The following VPS13C variants were observed in gnomAD, a reference collection of about 807,000 sequenced individuals.
VPS13C encodes intermembrane lipid transfer protein VPS13C.
In VPS13C, 358 loss-of-function variants were observed where a neutral mutation model predicts 456.8. The observed-to-expected ratio is 0.78, with a 90% CI of 0.72 to 0.86. VPS13C has a LOEUF of 0.86. Ranked by LOEUF, VPS13C falls within the 40% of genes least tolerant of loss-of-function variation. The pLI is 0.00. For synonymous variants in VPS13C, 1,578 were observed against 1,486.7 expected (o/e 1.06, Z -1.41); for missense variants, 4,818 against 4,385.4 (o/e 1.10, Z -2.79).
intron 16 of VPS13C, 88 bp from the exon 17 acceptor site, chr15:61,991,890 T>C: frequency 1.1e-6 from 1 of 921,764 alleles, no homozygotes. Context: ...CAATGGTTCT[T>C]TTTTTTTTTT....
intron 6 of VPS13C, among the ~76,000 whole-genome samples, chr15:62,027,590 T>C (rs1320066390): frequency 6.6e-6 from 1 of 152,122 alleles, no homozygotes; most frequent in African/African-American, 2.4e-5. Context: ...ATGATGCTTA[T>C]TGTTTACAAA....
At chr15:62,043,644 G>A (rs1423539310) in intron 2 of VPS13C, among the ~76,000 whole-genome samples, 2 of 151,958 alleles carry the variant, frequency 1.3e-5, no homozygotes, top group Non-Finnish European at 2.9e-5. Flanking sequence ...TTGGAAGCCG[G>A]AAAAAAATTA....
Position 61,922,527 on chromosome 15 carries a change from G to A in VPS13C, c.6845C>T (p.Ser2282Phe), listed in dbSNP as rs138540886. 1.7e-4 allele frequency: 282 copies of A among 1,614,040 alleles called. No individual in the cohort carries two copies. Among genetic ancestry groups the A allele is most frequent in the Non-Finnish European group, 2.2e-4 (265 of 1,179,964 alleles). The part of the protein sequence containing the change: ...IEENCGVVVE[S>F]IQVTLECGLG... ...GCCACATTCTAAGGTAACTTGAATG[G>A]ATTCTACAACAACACCACAATTTTC... Residue 2282 changes from serine (S) to phenylalanine (F), a missense_variant, in exon 54 of 85, where the codon TCC becomes TTC. This residue lies in a region of VPS13C where 4,552 missense variants were observed against 4,130.6 expected (regional missense o/e 1.10). Coordinates refer to ENST00000644861, the MANE Select transcript of VPS13C (RefSeq NM_020821.3).
At chr15:62,020,970 A>T (rs1452111187) in intron 8 of VPS13C, among the ~76,000 whole-genome samples, 1 of 151,990 alleles carries the variant, frequency 6.6e-6, no homozygotes, top group East Asian at 1.9e-4. Flanking sequence ...AAAGGAAAAC[A>T]TGTTTGTTTG....
intron 27 of VPS13C, 146 bp from the exon 28 acceptor site, chr15:61,969,598 T>C: frequency 2.4e-6 from 1 of 422,188 alleles, no homozygotes. Context: ...TTAATATAAT[T>C]GGAAATTACA....
intron 45 of VPS13C, among the ~76,000 whole-genome samples, chr15:61,943,141 A>G (rs1303940655): frequency 6.6e-6 from 1 of 152,232 alleles, no homozygotes; most frequent in Non-Finnish European, 1.5e-5. Context: ...ATGGAAAAAC[A>G]TTCCATGCTC....
At chr15:61,904,219 A>G (rs1186426537) in intron 66 of VPS13C, among the ~76,000 whole-genome samples, 3 of 152,048 alleles carry the variant, frequency 2.0e-5, no homozygotes, top group Non-Finnish European at 4.4e-5. Context: ...TTATTTGCAA[A>G]CTATCTGTCT....
At chr15:61,961,977 G>A in intron 34 of VPS13C, 84 bp from the exon 35 acceptor site, 1 of 1,433,626 alleles carries the variant, frequency 7.0e-7, no homozygotes, top group South Asian at 1.5e-5. Context: ...CATACATGTG[G>A]TAACTTTTTT....
chr15:62,046,470 T>C (rs142926355), intron 1 of VPS13C, among the ~76,000 whole-genome samples: 1 of 152,176 alleles, frequency 6.6e-6, no homozygotes, highest in South Asian at 2.1e-4. Context: ...TACACAAAAT[T>C]ACAATTGGGA....
chr15:62,059,021 A>C (rs887234668), intron 1 of VPS13C, among the ~76,000 whole-genome samples: 2 of 152,218 alleles, frequency 1.3e-5, no homozygotes, highest in Non-Finnish European at 2.9e-5. Flanking sequence ...ATACGTAATT[A>C]TAAATTTTAG....
chr15:62,018,911 T>C (rs2047357185), intron 9 of VPS13C, among the ~76,000 whole-genome samples: 2 of 152,206 alleles, frequency 1.3e-5, no homozygotes, highest in Non-Finnish European at 1.5e-5. Flanking sequence ...TGAATCCGTC[T>C]GGTCCTGGAC....
intron 38 of VPS13C, among the ~76,000 whole-genome samples, chr15:61,953,237 T>C (rs1463371152): frequency 6.6e-6 from 1 of 151,892 alleles, no homozygotes; most frequent in Admixed American, 6.6e-5. Context: ...ATTTATTTTA[T>C]TTTATTTTAT....
chr15:62,013,122 A>T lies in VPS13C; in HGVS notation c.745-3T>A. On this transcript the variant is annotated splice_polypyrimidine_tract_variant and splice_region_variant and intron_variant, in intron 10 of 84. Transcript: ENST00000644861. ...CTAAGACTATCAAGTCGTATAAGCT[A>T]TAAGAGAAAAATGAAAGAGATCAGG... is the stretch of plus-strand genomic sequence containing the variant. 6.3e-7 allele frequency: 1 copy of T among 1,595,308 alleles called. No individual in the cohort carries two copies. The highest frequency in any genetic ancestry group is 1.1e-5 in the South Asian group (1 of 87,018).
At chr15:61,854,594 C>A (rs1321850478) in intron 84 of VPS13C, 36 bp from the exon 85 acceptor site, 4 of 1,595,858 alleles carry the variant, frequency 2.5e-6, no homozygotes, top group Non-Finnish European at 2.6e-6. Context: ...ATTTTAAAGA[C>A]AAGTATAGGC....
At chr15:61,925,652 CCTG>C in intron 52 of VPS13C, 104 bp from the exon 53 acceptor site, 1 of 776,302 alleles carries the variant, frequency 1.3e-6, no homozygotes, top group Non-Finnish European at 1.8e-6. Context: ...TTAACTACAG[CCTG>C]CTATTATACT....
chr15:61,975,336 C>T (rs2045673210), intron 24 of VPS13C, among the ~76,000 whole-genome samples: 1 of 151,962 alleles, frequency 6.6e-6, no homozygotes, highest in Admixed American at 6.6e-5. Context: ...AAACCAATAG[C>T]TGGTTCTCCC....
rs762398005 is a variant in VPS13C at position 62,000,629 on chromosome 15, G to A, written c.1291-3C>T. 4 of 1,592,090 alleles carry A rather than the reference G, an allele frequency of 2.5e-6. No individual in the cohort carries two copies. The highest frequency in any genetic ancestry group is 1.2e-5 in the South Asian group (1 of 84,624). The stretch of plus-strand genomic sequence containing the variant: ...ACATCTAGAGTCTTCTCCAAGTCCT[G>A]TAAAAAACAGAGGCACTTATAAACA... On this transcript the variant is annotated splice_polypyrimidine_tract_variant and splice_region_variant and intron_variant, in intron 15 of 84. Coordinates refer to ENST00000644861, the MANE Select transcript of VPS13C (RefSeq NM_020821.3).
intron 68 of VPS13C, 80 bp from the exon 69 acceptor site, chr15:61,882,816 C>G (rs1895969512): frequency 6.5e-6 from 9 of 1,391,650 alleles, no homozygotes; most frequent in Non-Finnish European, 8.5e-6. Flanking sequence ...GTTTATTGAT[C>G]AAATTGAAAA....
chr15:61,970,695 G>T (rs753236427), intron 27 of VPS13C, among the ~76,000 whole-genome samples: 1 of 151,982 alleles, frequency 6.6e-6, no homozygotes, highest in African/African-American at 2.4e-5. Context: ...CTCTTGGGAG[G>T]CTGGGGTATT....
Sources: gnomAD v4.1 joint callset for allele counts (sites outside exome capture counted in the v4.1 genomes callset) on GRCh38, gnomAD v4.1.1 for gene constraint, gnomAD v4.1.1 regional missense constraint, MANE v1.5 for transcripts, NCBI Gene and HGNC (gene_info 2026-07-23, HGNC 2026-07-21) for gene names.